Variants in ADK observed in about 807,000 individuals in gnomAD.
ADK encodes N6,N6-dimethyladenosine kinase.
In ADK, 24 loss-of-function variants were observed where a neutral mutation model predicts 44.7. That is an observed-to-expected ratio of 0.54 (90% confidence interval 0.39 to 0.76). ADK has a LOEUF of 0.76. ADK is among the 30% of genes least tolerant of loss of function. ADK has a pLI of 0.00. For missense variants in ADK, 321 were observed against 425.1 expected (o/e 0.76, Z 2.15); for synonymous variants, 128 against 142.6 (o/e 0.90, Z 0.73).
At chr10:74,364,436 A>G (rs1297499463) in intron 4 of ADK, among the ~76,000 whole-genome samples, 2 of 152,148 alleles carry the variant, frequency 1.3e-5, no homozygotes, top group African/African-American at 4.8e-5. Context: ...CGAGTCACCC[A>G]TGACCTTTTA....
At chr10:74,177,077 A>C (rs539142299) in intron 1 of ADK, among the ~76,000 whole-genome samples, 1 of 152,258 alleles carries the variant, frequency 6.6e-6, no homozygotes, top group African/African-American at 2.4e-5. Flanking sequence ...GGTCTGTGGC[A>C]CATTGCGGAG....
At chr10:74,458,055 G>T (rs10824185) in intron 6 of ADK, among the ~76,000 whole-genome samples, 12 of 149,676 alleles carry the variant, frequency 8.0e-5, no homozygotes, top group Admixed American at 2.7e-4. Context: ...AAAAAGATTG[G>T]GTATTTCACA....
At chr10:74,489,840 T>A (rs564420248) in intron 6 of ADK, among the ~76,000 whole-genome samples, 1 of 152,152 alleles carries the variant, frequency 6.6e-6, no homozygotes, top group East Asian at 1.9e-4. Flanking sequence ...TATATCTAGT[T>A]CCTGAAATCA....
At chr10:74,442,888 A>G (rs1425845728) in intron 6 of ADK, among the ~76,000 whole-genome samples, 1 of 152,208 alleles carries the variant, frequency 6.6e-6, no homozygotes, top group African/African-American at 2.4e-5. Flanking sequence ...GCAGGACATT[A>G]TGCTAAGTGA....
At chr10:74,656,929 A>G (rs1854508448) in intron 9 of ADK, among the ~76,000 whole-genome samples, 1 of 152,078 alleles carries the variant, frequency 6.6e-6, no homozygotes, top group South Asian at 2.1e-4. Flanking sequence ...GCACAATCAC[A>G]GCTCACTGCA....
chr10:74,314,003 C>G (rs555565910), intron 3 of ADK, among the ~76,000 whole-genome samples: 1 of 145,398 alleles, frequency 6.9e-6, no homozygotes, highest in Non-Finnish European at 1.5e-5. Flanking sequence ...CTGTGTCATT[C>G]TCTAGCTGCA....
At chr10:74,611,084 A>G (rs554309147) in intron 9 of ADK, among the ~76,000 whole-genome samples, 8 of 152,154 alleles carry the variant, frequency 5.3e-5, no homozygotes, top group Non-Finnish European at 8.8e-5. Flanking sequence ...CTGGAGTACA[A>G]TGACACAATC....
intron 1 of ADK, 87 bp downstream of exon 1, chr10:74,151,430 T>G: frequency 2.1e-6 from 3 of 1,423,574 alleles, no homozygotes; most frequent in Admixed American, 2.0e-5. Context: ...CGACGCTGGG[T>G]GGTGTCTCTC....
intron 3 of ADK, among the ~76,000 whole-genome samples, chr10:74,288,031 A>G (rs530479657): frequency 4.6e-5 from 7 of 151,236 alleles, no homozygotes; most frequent in African/African-American, 1.5e-4. Context: ...GTACTTTTTT[A>G]CTTAGAACCT....
intron 10 of ADK, among the ~76,000 whole-genome samples, chr10:74,686,475 C>T (rs928338331): frequency 2.6e-5 from 4 of 152,252 alleles, no homozygotes; most frequent in African/African-American, 9.6e-5. Flanking sequence ...CTAGCTTGCT[C>T]TTCCACTCTG....
Position 74,151,227 on chromosome 10 carries a change from G to C in ADK, c.-52G>C. 9 of 1,541,664 alleles carry C rather than the reference G, an allele frequency of 5.8e-6. No homozygotes were observed. Among genetic ancestry groups the C allele is most frequent in the Non-Finnish European group, 6.1e-6 (7 of 1,139,592 alleles). On this transcript the variant is annotated 5_prime_UTR_variant, in exon 1 of 11. Transcript: ENST00000539909. The stretch of plus-strand genomic sequence containing the variant: ...GATGCGAAGAGGGGGCGGGACCAGA[G>C]AGTGGATGGCAGAGGTGGGCTGTAG...
At chr10:74,632,950 T>C (rs1358168122) in intron 9 of ADK, among the ~76,000 whole-genome samples, 2 of 152,216 alleles carry the variant, frequency 1.3e-5, no homozygotes, top group Non-Finnish European at 2.9e-5. Flanking sequence ...CAGTTTATAA[T>C]ATATTCTGGA....
At chr10:74,552,292 A>T (rs986371584) in intron 7 of ADK, among the ~76,000 whole-genome samples, 2 of 152,224 alleles carry the variant, frequency 1.3e-5, no homozygotes, top group Non-Finnish European at 2.9e-5. Flanking sequence ...AACCAAAAAA[A>T]AAATGTTTTC....
Position 74,160,690 on chromosome 10 carries a change from G to GGTGTGTGT in ADK, c.65+9368_65+9375dup, listed in dbSNP as rs779393232. 7.6e-3 allele frequency among the ~76,000 whole-genome samples: 1,038 copies of GGTGTGTGT among 136,264 alleles called. 14 individuals are homozygous for GGTGTGTGT. The highest frequency in any genetic ancestry group is 0.027 in the African/African-American group (962 of 36,168). The allele number at this position is 136,264 out of a possible 152,430, so 89.4% of individuals were successfully genotyped here. A position where few individuals can be genotyped will look rare whatever the true frequency, so the allele number is the denominator to read the frequency against. ...GGGTGTGTGCGTGCATGCAGGTAGGGGTGTGTGTGTGTGTGTGTGTGTGTG... is the reference window on the plus strand; with the variant it reads ...GGGTGTGTGCGTGCATGCAGGTAGGGGTGTGTGTGTGTGTGTGTGTGTGTGTGTGTGTG... On this transcript the variant is annotated intron_variant, in intron 1 of 10. Transcript: ENST00000539909.
At chr10:74,613,264 T>TG (rs1449005839) in intron 9 of ADK, among the ~76,000 whole-genome samples, 4 of 152,196 alleles carry the variant, frequency 2.6e-5, no homozygotes, top group African/African-American at 7.2e-5. Flanking sequence ...ATGTTCCCTT[T>TG]GGTGATATAG....
At position 74,225,767 on chromosome 10, in the gene ADK, A is replaced by AAT. The variant is rs1000949868; in HGVS notation, c.194+1185_194+1186dup. Among the ~76,000 whole-genome samples, 7 of 152,240 alleles carry AAT rather than the reference A, an allele frequency of 4.6e-5. No homozygotes were observed. In the South Asian group the frequency reaches 1.0e-3, roughly 23 times the overall value. On this transcript the variant is annotated intron_variant, in intron 3 of 10. Coordinates refer to ENST00000539909, the MANE Select transcript of ADK (RefSeq NM_006721.4). The stretch of plus-strand genomic sequence containing the variant: ...GTATAATCTCCATAGTGGGTTCTCA[A>AAT]ATATATATATTGTCAAGAAATTTTT...
intron 4 of ADK, among the ~76,000 whole-genome samples, chr10:74,331,702 T>C (rs919331802): frequency 1.8e-4 from 28 of 152,298 alleles, no homozygotes; most frequent in African/African-American, 6.5e-4. Flanking sequence ...GCAAGGTTGG[T>C]CTCAAACTCC....
chr10:74,167,095 G>A (rs1173536129), intron 1 of ADK, among the ~76,000 whole-genome samples: 1 of 152,160 alleles, frequency 6.6e-6, no homozygotes, highest in Non-Finnish European at 1.5e-5. Context: ...GTATTGCTCT[G>A]TGAATCATTG....
chr10:74,568,643 T>G (rs1850791772), intron 7 of ADK, among the ~76,000 whole-genome samples: 1 of 151,802 alleles, frequency 6.6e-6, no homozygotes, highest in Non-Finnish European at 1.5e-5. Context: ...TTATTTCTTT[T>G]TTTTTTTTTT....
Sources: gnomAD v4.1 joint callset for allele counts (sites outside exome capture counted in the v4.1 genomes callset) on GRCh38, gnomAD v4.1.1 for gene constraint, MANE v1.5 for transcripts, NCBI Gene and HGNC (gene_info 2026-07-23, HGNC 2026-07-21) for gene names.